Variants in LRMDA observed in about 807,000 individuals in gnomAD.
LRMDA encodes leucine-rich melanocyte differentiation-associated protein.
In LRMDA, 18 loss-of-function variants were observed where a neutral mutation model predicts 29.8. The ratio of observed to expected loss-of-function variants is 0.60; its 90% CI spans 0.42 to 0.90. The LOEUF (loss-of-function observed/expected upper bound fraction) is 0.90, where lower values mean the gene tolerates loss of function less well. LRMDA is among the 40% of genes least tolerant of loss of function. The probability of loss-of-function intolerance (pLI) is 0.00; values close to 1 mark genes in which losing one functional copy is unlikely to be tolerated. For missense variants in LRMDA, 273 were observed against 273.9 expected, an observed-to-expected ratio of 1.00 and a Z score of 0.02; for synonymous variants, 125 against 109.4, an observed-to-expected ratio of 1.14 and a Z score of -0.89.
At chr10:75,547,680 A>T (rs1247027245) in intron 2 of LRMDA, among the ~76,000 whole-genome samples, 2 of 152,248 alleles carry the variant, frequency 1.3e-5, no homozygotes, top group African/African-American at 4.8e-5. Context: ...ATAAATCTCC[A>T]TTTGTCATAA....
intron 2 of LRMDA, among the ~76,000 whole-genome samples, chr10:75,892,787 AG>A (rs1564599025): frequency 6.6e-6 from 1 of 152,132 alleles, no homozygotes; most frequent in Non-Finnish European, 1.5e-5. Context: ...CAGGGGCCTA[AG>A]GAATCACAGA....
intron 2 of LRMDA, among the ~76,000 whole-genome samples, chr10:75,863,874 G>A (rs1262459997): frequency 6.6e-5 from 10 of 152,148 alleles, no homozygotes; most frequent in African/African-American, 2.2e-4. Context: ...GAATAGTCCC[G>A]AAAATTGATT....
intron 2 of LRMDA, among the ~76,000 whole-genome samples, chr10:75,520,131 C>A (rs572903679): frequency 6.6e-6 from 1 of 152,240 alleles, no homozygotes; most frequent in African/African-American, 2.4e-5. Flanking sequence ...TCATTTCAAC[C>A]TTGGTGAATC....
chr10:76,097,291 G>A (rs527269458), intron 5 of LRMDA, among the ~76,000 whole-genome samples: 21 of 152,316 alleles, frequency 1.4e-4, no homozygotes, highest in African/African-American at 2.9e-4. Flanking sequence ...GATTACAGGC[G>A]TGAGCCACCG....
chr10:76,396,954 G>C (rs912448982), intron 6 of LRMDA, among the ~76,000 whole-genome samples: 1 of 152,062 alleles, frequency 6.6e-6, no homozygotes, highest in Non-Finnish European at 1.5e-5. Context: ...GCCACGCCAC[G>C]CAACTCTACT....
intron 2 of LRMDA, among the ~76,000 whole-genome samples, chr10:75,489,247 A>AAT (rs5786175): frequency 6.6e-6 from 1 of 151,122 alleles, no homozygotes; most frequent in Non-Finnish European, 1.5e-5. Flanking sequence ...AAAAAAAAAA[A>AAT]TTTCACTAGC....
chr10:76,303,206 C>A (rs1422674562), intron 5 of LRMDA, among the ~76,000 whole-genome samples: 1 of 145,930 alleles, frequency 6.9e-6, no homozygotes, highest in Non-Finnish European at 1.5e-5. Flanking sequence ...TGTTTACACT[C>A]CTCCCTTTTT....
chr10:76,029,707 A>G (rs577743791), intron 2 of LRMDA, among the ~76,000 whole-genome samples: 2 of 152,214 alleles, frequency 1.3e-5, no homozygotes, highest in African/African-American at 4.8e-5. Context: ...GTATTCTTAG[A>G]TATGGTGCAG....
At chr10:75,537,933 G>A (rs1264699053) in intron 2 of LRMDA, among the ~76,000 whole-genome samples, 2 of 152,058 alleles carry the variant, frequency 1.3e-5, no homozygotes, top group Non-Finnish European at 2.9e-5. Flanking sequence ...AATCCTAACC[G>A]TGTATATACC....
At chr10:76,016,652 C>T (rs1432417558) in intron 2 of LRMDA, among the ~76,000 whole-genome samples, 1 of 152,232 alleles carries the variant, frequency 6.6e-6, no homozygotes, top group Non-Finnish European at 1.5e-5. Context: ...CCTCTAGGTT[C>T]ATGACTGTGT....
intron 6 of LRMDA, among the ~76,000 whole-genome samples, chr10:76,387,314 T>C (rs184335224): frequency 6.6e-6 from 1 of 152,286 alleles, no homozygotes; most frequent in East Asian, 1.9e-4. Flanking sequence ...AAATGTGGTA[T>C]ATTCAGAGCA....
intron 2 of LRMDA, among the ~76,000 whole-genome samples, chr10:75,455,357 C>T (rs1057423769): frequency 1.3e-5 from 2 of 152,154 alleles, no homozygotes; most frequent in Admixed American, 6.5e-5. Flanking sequence ...GCAAAGGCCC[C>T]GAGTTGGGTT....
intron 6 of LRMDA, among the ~76,000 whole-genome samples, chr10:76,394,597 A>G (rs959096476): frequency 2.0e-5 from 3 of 152,038 alleles, no homozygotes; most frequent in Non-Finnish European, 4.4e-5. Context: ...GAGTCAGCTC[A>G]CTCAGCTTTC....
chr10:75,738,293 A>G (rs938766090), intron 2 of LRMDA, among the ~76,000 whole-genome samples: 23 of 152,126 alleles, frequency 1.5e-4, no homozygotes, highest in Admixed American at 9.2e-4. Context: ...CTGCAGCTTC[A>G]GGTCATCCAA....
At chr10:75,697,850 T>TGTGTGTGTGTGTGTGTGTGCGCGC (rs10664076) in intron 2 of LRMDA, among the ~76,000 whole-genome samples, 12 of 151,586 alleles carry the variant, frequency 7.9e-5, no homozygotes, top group Admixed American at 3.9e-4. Context: ...TGTGTGTGTG[T>TGTGTGTGTGTGTGTGTGTGCGCGC]GCGTGTGTGT....
intron 5 of LRMDA, among the ~76,000 whole-genome samples, chr10:76,150,745 G>C (rs190286929): frequency 7.2e-4 from 109 of 152,264 alleles, no homozygotes; most frequent in African/African-American, 2.5e-3. Context: ...ATTTATACCG[G>C]TGGCAAGGAT....
chr10:75,714,857 CCCTTCCTTCCTT>C (rs752703392), intron 2 of LRMDA, among the ~76,000 whole-genome samples: 5 of 131,742 alleles, frequency 3.8e-5, no homozygotes, highest in East Asian at 2.6e-4. Flanking sequence ...CTCCCTCCCT[CCCTTCCTTCCTT>C]CCTTCCTTCC....
At chr10:75,943,074 G>A (rs1324684161) in intron 2 of LRMDA, among the ~76,000 whole-genome samples, 1 of 151,872 alleles carries the variant, frequency 6.6e-6, no homozygotes, top group African/African-American at 2.4e-5. Flanking sequence ...AAGGGAGTCT[G>A]GTTCCAGGAT....
chr10:76,134,512 T>C (rs1394346786), intron 5 of LRMDA, among the ~76,000 whole-genome samples: 1 of 152,186 alleles, frequency 6.6e-6, no homozygotes, highest in Non-Finnish European at 1.5e-5. Flanking sequence ...TAGCCACAAA[T>C]CCAGGTGATG....
Sources: allele counts gnomAD v4.1 joint callset (sites outside exome capture counted in the v4.1 genomes callset), GRCh38; gene constraint gnomAD v4.1.1; transcripts MANE v1.5; gene names NCBI Gene and HGNC (gene_info 2026-07-23, HGNC 2026-07-21).